Variants in NCAPD3 observed in about 807,000 individuals in gnomAD.
NCAPD3 encodes the protein condensin-2 complex subunit D3.
In NCAPD3, 105 loss-of-function variants were observed where a neutral mutation model predicts 182.9. That is an observed-to-expected ratio of 0.57 (90% confidence interval 0.49 to 0.68). NCAPD3 has a LOEUF of 0.68. NCAPD3 is among the 30% of genes least tolerant of loss of function. NCAPD3 has a pLI of 0.00. For synonymous variants in NCAPD3, 815 were observed against 679.9 expected, an observed-to-expected ratio of 1.20 and a Z score of -3.09; for missense variants, 1,944 against 1,837.0, an observed-to-expected ratio of 1.06 and a Z score of -1.07.
intron 32 of NCAPD3, chr11:134,153,620 C>A (rs892451112): frequency 1.1e-5 from 6 of 537,910 alleles, no homozygotes; most frequent in Non-Finnish European, 2.0e-5. Context: ...ACTGTTCACG[C>A]CTCTGGCTTC....
At chr11:134,157,471 T>A (rs1943455590) in intron 31 of NCAPD3, among the ~76,000 whole-genome samples, 1 of 152,086 alleles carries the variant, frequency 6.6e-6, no homozygotes, top group Non-Finnish European at 1.5e-5. Context: ...AAATTGAAAA[T>A]CAACATTTCA....
chr11:134,156,705 G>C (rs184903529), intron 32 of NCAPD3, among the ~76,000 whole-genome samples: 2 of 152,142 alleles, frequency 1.3e-5, no homozygotes. Context: ...CCAGAGACAC[G>C]GAGGGCCGCC....
chr11:134,158,330 T>C lies in NCAPD3; in HGVS notation c.4033A>G (p.Arg1345Gly). The change falls in exon 30 of 35, where the codon AGG becomes GGG. Residue 1345 changes from arginine (R) to glycine (G), a missense_variant and splice_region_variant. By Grantham distance (125) the Arg-to-Gly change is moderately radical. Transcript: ENST00000534548. ...GPLQRLLPKARPMSLSTIAIL... is the reference protein window; with the variant it reads ...GPLQRLLPKAGPMSLSTIAIL... ...ATGTGGCCTCCAGGGGCTCTTTACC[T>C]GGCTTTGGGCAGCAACCTCTGCAAT... The C allele has an allele frequency of 6.2e-7, 1 of 1,614,084 alleles. No homozygotes were observed. The highest frequency in any genetic ancestry group is 8.5e-7 in the Non-Finnish European group (1 of 1,180,006).
intron 13 of NCAPD3, among the ~76,000 whole-genome samples, chr11:134,195,185 C>G (rs1318866744): frequency 1.3e-5 from 2 of 152,186 alleles, no homozygotes; most frequent in African/African-American, 4.8e-5. Flanking sequence ...ACCGCAATCT[C>G]AAATTCCTGG....
intron 1 of NCAPD3, among the ~76,000 whole-genome samples, chr11:134,222,741 A>G (rs577619710): frequency 6.6e-6 from 1 of 152,382 alleles, no homozygotes; most frequent in East Asian, 1.9e-4. Context: ...GAGTTTTGCC[A>G]GGCAAATAAA....
chr11:134,161,901 C>G lies in NCAPD3; in HGVS notation c.3574-10G>C. On this transcript the variant is annotated splice_polypyrimidine_tract_variant and intron_variant, in intron 27 of 34. Coordinates refer to ENST00000534548, the MANE Select transcript of NCAPD3 (RefSeq NM_015261.3). Reference sequence around the variant, plus strand: ...AATTCCTCTTCTGAACCTGGTAACACAAACAAAGACATGTTTTAGATGTAT... The same window carrying G: ...AATTCCTCTTCTGAACCTGGTAACAGAAACAAAGACATGTTTTAGATGTAT... 1.4e-6 allele frequency: 2 copies of G among 1,386,136 alleles called. No homozygotes were observed. Among genetic ancestry groups the G allele is most frequent in the Non-Finnish European group, 2.0e-6 (2 of 993,894 alleles). 85.9% of individuals were successfully genotyped at this position (1,386,136 alleles called of 1,614,324 possible).
intron 22 of NCAPD3, chr11:134,178,396 C>G: frequency 2.8e-6 from 1 of 355,274 alleles, no homozygotes; most frequent in Non-Finnish European, 5.0e-6. Flanking sequence ...AAAGCTCCCT[C>G]TAGACCCTCT....
chr11:134,210,251 T>C lies in NCAPD3; in HGVS notation c.567+19A>G. 3.1e-6 allele frequency: 5 copies of C among 1,599,528 alleles called. No homozygotes were observed. In the South Asian group the frequency reaches 4.5e-5, roughly 14 times the overall value. On this transcript the variant is annotated intron_variant, in intron 4 of 34. Coordinates refer to ENST00000534548, the MANE Select transcript of NCAPD3 (RefSeq NM_015261.3). Reference sequence around the variant, plus strand: ...ATCGTGTGTTGGTATATATGTTTTATACTCAACTTACTTCTTACCTCAATA... The same window carrying C: ...ATCGTGTGTTGGTATATATGTTTTACACTCAACTTACTTCTTACCTCAATA...
chr11:134,188,597 A>G (rs1944460844), intron 16 of NCAPD3, among the ~76,000 whole-genome samples: 1 of 152,000 alleles, frequency 6.6e-6, no homozygotes, highest in African/African-American at 2.4e-5. Context: ...GGAACAAACA[A>G]CTCCGGATGT....
chr11:134,179,878 G>C (rs888927947), intron 20 of NCAPD3, among the ~76,000 whole-genome samples: 9 of 152,078 alleles, frequency 5.9e-5, no homozygotes, highest in African/African-American at 1.2e-4. Context: ...GAGTTTAAAA[G>C]AATCTTGAAA....
At chr11:134,212,224 A>C (rs1937858170) in intron 3 of NCAPD3, among the ~76,000 whole-genome samples, 1 of 152,236 alleles carries the variant, frequency 6.6e-6, no homozygotes, top group South Asian at 2.1e-4. Flanking sequence ...AAATTATAGG[A>C]GATTAATCTT....
chr11:134,203,808 G>C lies in NCAPD3; in HGVS notation c.1314C>G (p.Phe438Leu). The C allele has an allele frequency of 6.2e-7, 1 of 1,614,200 alleles. No homozygotes were observed. The change falls in exon 11 of 35, where the codon TTC (phenylalanine) becomes TTG (leucine). Residue 438 changes from phenylalanine to leucine, a missense_variant. By Grantham distance (22) the Phe-to-Leu change is conservative. Coordinates refer to ENST00000534548, the MANE Select transcript of NCAPD3 (RefSeq NM_015261.3). ...CCTGCACCAGGAACTTATGCTTTAAGAACTTCTGATGCTCCAAGGAGAGGG... is the reference window on the plus strand; with the variant it reads ...CCTGCACCAGGAACTTATGCTTTAACAACTTCTGATGCTCCAAGGAGAGGG... Reference protein sequence around the residue: ...DNTLSLEHQKFLKHKFLVQEI... With the variant: ...DNTLSLEHQKLLKHKFLVQEI...
intron 27 of NCAPD3, among the ~76,000 whole-genome samples, chr11:134,167,059 GAT>G (rs534799022): frequency 1.4e-4 from 15 of 109,286 alleles, no homozygotes; most frequent in African/African-American, 5.3e-4. Context: ...TCACTAGTGA[GAT>G]GAGCTTGGGG....
chr11:134,162,724 A>C (rs547571381), intron 27 of NCAPD3, among the ~76,000 whole-genome samples: 8 of 152,350 alleles, frequency 5.3e-5, no homozygotes, highest in African/African-American at 1.9e-4. Flanking sequence ...AGTCTTAAGA[A>C]GTGGCTTCCA....
At chr11:134,176,251 C>T in intron 24 of NCAPD3, 56 bp downstream of exon 24, 1 of 1,481,402 alleles carries the variant, frequency 6.8e-7, no homozygotes, top group Non-Finnish European at 9.4e-7. Context: ...AGAAATCCAG[C>T]ATACATCAGA....
intron 7 of NCAPD3, 75 bp from the exon 8 acceptor site, chr11:134,206,807 T>C: frequency 6.9e-7 from 1 of 1,455,494 alleles, no homozygotes; most frequent in Non-Finnish European, 9.2e-7. Flanking sequence ...ATGCAGACTG[T>C]AGTAAACCAT....
intron 3 of NCAPD3, among the ~76,000 whole-genome samples, chr11:134,214,889 A>G (rs926134572): frequency 3.3e-5 from 5 of 152,220 alleles, no homozygotes; most frequent in Non-Finnish European, 7.3e-5. Context: ...TATTACCAAG[A>G]TACCCAGATA....
chr11:134,153,602 T>C (rs1591816081), intron 32 of NCAPD3: 1 of 562,048 alleles, frequency 1.8e-6, no homozygotes, highest in Non-Finnish European at 3.2e-6. Flanking sequence ...GGCTGGCCCC[T>C]GGGCCTCACT....
chr11:134,167,436 ACT>A (rs549037548), intron 27 of NCAPD3, among the ~76,000 whole-genome samples: 14 of 126,490 alleles, frequency 1.1e-4, no homozygotes, highest in African/African-American at 3.7e-4. Context: ...GGAGGCGCAC[ACT>A]CGTGAGAGGA....
Sources: gnomAD v4.1 joint callset for allele counts (sites outside exome capture counted in the v4.1 genomes callset) on GRCh38, gnomAD v4.1.1 for gene constraint, MANE v1.5 for transcripts, NCBI Gene and HGNC (gene_info 2026-07-23, HGNC 2026-07-21) for gene names.